Variants in CASD1 observed in about 807,000 individuals in gnomAD.
The protein encoded by CASD1 is N-acetylneuraminate (7)9-O-acetyltransferase.
A neutral mutation model predicts 100.0 loss-of-function variants in CASD1; 41 were observed. That is an observed-to-expected ratio of 0.41 (90% CI 0.32 to 0.53). The LOEUF is 0.53. Ranked by LOEUF, CASD1 falls within the 20% of genes least tolerant of loss-of-function variation. The pLI, the probability that CASD1 is intolerant of heterozygous loss-of-function variation, is 0.25. For synonymous variants in CASD1, 321 were observed against 315.6 expected (o/e 1.02, Z -0.18); for missense variants, 774 against 948.7 (o/e 0.82, Z 2.42).
chr7:94,629,889 T>A, the CASD1 span: 1 of 1,595,338 alleles, frequency 6.3e-7, no homozygotes, highest in African/African-American at 1.3e-5. Context: ...AATAATGAGA[T>A]ACGCCCTTGA....
chr7:94,630,913 C>G, the CASD1 span, among the ~76,000 whole-genome samples: 38 of 151,982 alleles, frequency 2.5e-4, no homozygotes, highest in African/African-American at 8.7e-4. Flanking sequence ...TTTTTCAGCA[C>G]AAAAATAAAA....
At chr7:94,525,503 ATG>A (rs1336774920) in intron 3 of CASD1, among the ~76,000 whole-genome samples, 1 of 152,186 alleles carries the variant, frequency 6.6e-6, no homozygotes, top group African/African-American at 2.4e-5. Context: ...ATTTTCATAT[ATG>A]TGACTTATTT....
rs187121423 is a variant in CASD1, at chr7:94,525,040, A to G, written c.352-2122A>G. 6.6e-5 allele frequency among the ~76,000 whole-genome samples: 10 copies of G among 152,274 alleles called. No homozygotes were observed. In the East Asian group the frequency reaches 1.9e-3, roughly 29 times the overall value. ...TTCGTGTGGGTATGTGCTTAAAGAGATATATGCTTAAGTATTTAAGAGTGA... is the reference window on the plus strand; with the variant it reads ...TTCGTGTGGGTATGTGCTTAAAGAGGTATATGCTTAAGTATTTAAGAGTGA... On this transcript the variant is annotated intron_variant, in intron 3 of 17. Coordinates refer to ENST00000297273, the MANE Select transcript of CASD1 (RefSeq NM_022900.5).
chr7:94,560,814 T>C (rs1796327346), downstream of CASD1, among the ~76,000 whole-genome samples: 1 of 152,094 alleles, frequency 6.6e-6, no homozygotes, highest in African/African-American at 2.4e-5. Flanking sequence ...AAAAGAAATA[T>C]AAAATGATTA....
At chr7:94,607,127 A>G in the CASD1 span, among the ~76,000 whole-genome samples, 5 of 152,280 alleles carry the variant, frequency 3.3e-5, no homozygotes, top group African/African-American at 1.2e-4. Flanking sequence ...GCACAGGCCT[A>G]TATGTAGTAA....
chr7:94,623,334 A>T, the CASD1 span: 2 of 1,587,794 alleles, frequency 1.3e-6, no homozygotes, highest in South Asian at 1.1e-5. Context: ...CCTTCTGCAG[A>T]CATTATATTA....
the CASD1 span, among the ~76,000 whole-genome samples, chr7:94,591,156 A>G: frequency 6.6e-6 from 1 of 152,170 alleles, no homozygotes; most frequent in Admixed American, 6.6e-5. Context: ...ATGTATTTAT[A>G]TTGGTTTTGG....
the CASD1 span, chr7:94,600,933 A>C: frequency 1.7e-6 from 2 of 1,203,610 alleles, no homozygotes; most frequent in South Asian, 2.6e-5. Context: ...TGGATACACT[A>C]AAGCATTCTT....
At chr7:94,546,544 G>C (rs1795691095) in intron 12 of CASD1, among the ~76,000 whole-genome samples, 1 of 151,852 alleles carries the variant, frequency 6.6e-6, no homozygotes, top group Non-Finnish European at 1.5e-5. Context: ...AGTGTCTTTG[G>C]ACAGCCTCTG....
the CASD1 span, chr7:94,629,584 T>C: frequency 3.7e-6 from 3 of 819,908 alleles, no homozygotes; most frequent in East Asian, 8.1e-5. Flanking sequence ...ATGAGAAATA[T>C]CCTACAACAA....
chr7:94,605,516 A>C, the CASD1 span, among the ~76,000 whole-genome samples: 2 of 152,170 alleles, frequency 1.3e-5, no homozygotes, highest in Non-Finnish European at 2.9e-5. Flanking sequence ...AAATGACAGC[A>C]ATGATACAAG....
intron 7 of CASD1, among the ~76,000 whole-genome samples, chr7:94,534,426 T>G (rs1795015880): frequency 6.6e-6 from 1 of 152,114 alleles, no homozygotes; most frequent in African/African-American, 2.4e-5. Flanking sequence ...TTCATAATAT[T>G]AATAAAGTCA....
chr7:94,533,005 C>T (rs565444930), intron 5 of CASD1, among the ~76,000 whole-genome samples, 200 bp from the exon 6 acceptor site: 2 of 151,970 alleles, frequency 1.3e-5, no homozygotes, highest in African/African-American at 4.8e-5. Flanking sequence ...GTATATGTAG[C>T]GTTACAAGAT....
chr7:94,629,809 G>T, the CASD1 span: 17 of 1,610,688 alleles, frequency 1.1e-5, no homozygotes, highest in Admixed American at 2.8e-4. Context: ...TATACATTCC[G>T]ATCGGAGTGT....
At chr7:94,564,227 A>G in the CASD1 span, among the ~76,000 whole-genome samples, 1 of 152,186 alleles carries the variant, frequency 6.6e-6, no homozygotes, top group Non-Finnish European at 1.5e-5. Context: ...CTAGCAATGA[A>G]ACTGTGTCTG....
chr7:94,603,797 C>T, the CASD1 span, among the ~76,000 whole-genome samples: 1 of 151,526 alleles, frequency 6.6e-6, no homozygotes, highest in Non-Finnish European at 1.5e-5. Flanking sequence ...TAGATATTTA[C>T]ATTAAAACAT....
intron 5 of CASD1, among the ~76,000 whole-genome samples, chr7:94,531,545 C>T (rs1436055160): frequency 6.6e-6 from 1 of 151,890 alleles, no homozygotes; most frequent in Non-Finnish European, 1.5e-5. Flanking sequence ...GAGAAAGCCA[C>T]CTAGGGATGA....
intron 8 of CASD1, among the ~76,000 whole-genome samples, chr7:94,536,086 T>C (rs1795102573): frequency 6.6e-6 from 1 of 151,934 alleles, no homozygotes; most frequent in Non-Finnish European, 1.5e-5. Context: ...CTACTAAAAA[T>C]ACAAAAATTA....
chr7:94,546,519 CTATT>C (rs1795689750), intron 12 of CASD1, among the ~76,000 whole-genome samples: 1 of 151,974 alleles, frequency 6.6e-6, no homozygotes, highest in South Asian at 2.1e-4. Flanking sequence ...GGTCTAGCCT[CTATT>C]AAAGTCCAGT....
Sources: gnomAD v4.1 joint callset for allele counts (sites outside exome capture counted in the v4.1 genomes callset) on GRCh38, gnomAD v4.1.1 for gene constraint, MANE v1.5 for transcripts, NCBI Gene and HGNC (gene_info 2026-07-23, HGNC 2026-07-21) for gene names.